SFXN1: variants seen among roughly 807,000 people sequenced by gnomAD.
SFXN1 encodes sideroflexin 1, also known as sideroflexin-1.
A neutral mutation model predicts 39.5 loss-of-function variants in SFXN1; 32 were observed. The observed-to-expected ratio is 0.81, with a 90% CI of 0.61 to 1.09. The LOEUF is 1.09. Among genes scored for constraint, SFXN1 ranks in the 50% least tolerant of loss-of-function variants. The probability of loss-of-function intolerance (pLI) is 0.00; values close to 1 mark genes in which losing one functional copy is unlikely to be tolerated. For missense variants in SFXN1, 402 were observed against 407.1 expected (o/e 0.99, Z 0.11); for synonymous variants, 136 against 146.5 (o/e 0.93, Z 0.52).
At chr5:175,522,610 C>T (rs1186053453) in intron 10 of SFXN1, 188 bp downstream of exon 10, 2 of 520,440 alleles carry the variant, frequency 3.8e-6, no homozygotes, top group East Asian at 3.1e-5. Flanking sequence ...TCAGATGCAC[C>T]CAGCTCTTTT....
chr5:175,515,176 C>A (rs198038), intron 7 of SFXN1, among the ~76,000 whole-genome samples: 3 of 152,002 alleles, frequency 2.0e-5, no homozygotes, highest in African/African-American at 4.8e-5. Context: ...GCCACCACAC[C>A]CAGCTGATTT....
At chr5:175,526,157 T>G (rs1407942874) in intron 10 of SFXN1, among the ~76,000 whole-genome samples, 1 of 152,042 alleles carries the variant, frequency 6.6e-6, no homozygotes, top group Non-Finnish European at 1.5e-5. Context: ...TTTAGTATTT[T>G]TTGAAATTTT....
chr5:175,502,910 A>G (rs1031536081), intron 2 of SFXN1, among the ~76,000 whole-genome samples: 10 of 152,194 alleles, frequency 6.6e-5, no homozygotes, highest in Non-Finnish European at 8.8e-5. Flanking sequence ...CAGATTAACC[A>G]ACTCATATAA....
At chr5:175,519,542 C>CA (rs1346948115) in intron 8 of SFXN1, among the ~76,000 whole-genome samples, 2 of 152,074 alleles carry the variant, frequency 1.3e-5, no homozygotes, top group African/African-American at 4.8e-5. Flanking sequence ...GAAGGCGTCT[C>CA]AAAGTAATTA....
At chr5:175,496,600 C>T (rs1180010224) in intron 2 of SFXN1, among the ~76,000 whole-genome samples, 1 of 152,096 alleles carries the variant, frequency 6.6e-6, no homozygotes, top group Non-Finnish European at 1.5e-5. Context: ...AATTTACTAA[C>T]ATAACAACAA....
rs1449319663 is a variant in SFXN1 at position 175,526,995 on chromosome 5, G to A, written c.*261G>A. 3 of 458,192 alleles carry A rather than the reference G, an allele frequency of 6.5e-6. No individual in the cohort carries two copies. The highest frequency in any genetic ancestry group is 6.7e-5 in the South Asian group (2 of 29,716). 28.4% of individuals were successfully genotyped at this position (458,192 alleles called of 1,614,324 possible). On this transcript the variant is annotated 3_prime_UTR_variant, in exon 11 of 11. Transcript: ENST00000321442. ...TTTATAGTCATTGTTTTTCAAAGAC[G>A]ATATACCAGCCCTCACCCAGGTTTT...
chr5:175,494,717 A>C (rs1471993942), intron 2 of SFXN1, among the ~76,000 whole-genome samples: 8 of 151,464 alleles, frequency 5.3e-5, no homozygotes, highest in Admixed American at 4.6e-4. Flanking sequence ...ATGCCACTGC[A>C]CTCCAGCCTG....
intron 2 of SFXN1, among the ~76,000 whole-genome samples, chr5:175,499,263 A>T (rs1051066138): frequency 1.3e-5 from 2 of 152,082 alleles, no homozygotes; most frequent in Non-Finnish European, 2.9e-5. Context: ...TCAAGAAAAA[A>T]AAAAAAGGGA....
chr5:175,520,815 C>T (rs544364498), intron 8 of SFXN1, among the ~76,000 whole-genome samples: 2 of 151,364 alleles, frequency 1.3e-5, no homozygotes, highest in South Asian at 4.4e-4. Context: ...TATGACAATC[C>T]TTCATCATCA....
At chr5:175,519,305 G>C (rs575167129) in intron 8 of SFXN1, among the ~76,000 whole-genome samples, 2 of 152,312 alleles carry the variant, frequency 1.3e-5, no homozygotes, top group Admixed American at 1.3e-4. Context: ...TTCTTACAAA[G>C]TTAAACAGAT....
intron 1 of SFXN1, among the ~76,000 whole-genome samples, chr5:175,489,231 A>G (rs1362786308): frequency 1.3e-5 from 2 of 152,198 alleles, no homozygotes; most frequent in East Asian, 1.9e-4. Context: ...TCATTCAGAA[A>G]TGGGAGGAAA....
At chr5:175,524,119 AAAAAAAATATAT>A (rs1291138229) in intron 10 of SFXN1, 14 of 38,590 alleles carry the variant, frequency 3.6e-4, no homozygotes, top group East Asian at 1.5e-3. Context: ...AAAAAAAAAA[AAAAAAAATATAT>A]ATATATATAT....
chr5:175,492,763 A>G (rs893727935), intron 2 of SFXN1, among the ~76,000 whole-genome samples: 4 of 152,194 alleles, frequency 2.6e-5, no homozygotes, highest in South Asian at 2.1e-4. Context: ...CAGATGTGGG[A>G]TGCACGCCAT....
intron 4 of SFXN1, chr5:175,510,419 C>A (rs1235983795): frequency 3.9e-6 from 2 of 515,304 alleles, no homozygotes; most frequent in Non-Finnish European, 6.9e-6. Flanking sequence ...TTCCAGCCTG[C>A]CTTCTCAGAC....
At chr5:175,514,115 G>A (rs1053141913) in intron 7 of SFXN1, among the ~76,000 whole-genome samples, 1 of 152,184 alleles carries the variant, frequency 6.6e-6, no homozygotes. Flanking sequence ...GTGACTCTGG[G>A]TGGTGGGTTG....
intron 1 of SFXN1, among the ~76,000 whole-genome samples, chr5:175,487,067 A>G (rs1184455707): frequency 6.6e-6 from 1 of 152,192 alleles, no homozygotes; most frequent in Non-Finnish European, 1.5e-5. Context: ...CAGATCACCT[A>G]GGCCCGAGGG....
At chr5:175,489,724 A>G (rs1329876448) in intron 1 of SFXN1, among the ~76,000 whole-genome samples, 1 of 152,180 alleles carries the variant, frequency 6.6e-6, no homozygotes, top group Non-Finnish European at 1.5e-5. Flanking sequence ...GCTTTTTAAA[A>G]AGACAAATAT....
intron 1 of SFXN1, among the ~76,000 whole-genome samples, chr5:175,485,530 C>G (rs2113261088): frequency 6.6e-6 from 1 of 152,302 alleles, no homozygotes; most frequent in East Asian, 1.9e-4. Context: ...TTGGGCCAAC[C>G]AAATATTCCA....
At chr5:175,503,064 G>C (rs1015291973) in intron 2 of SFXN1, among the ~76,000 whole-genome samples, 1 of 152,118 alleles carries the variant, frequency 6.6e-6, no homozygotes, top group African/African-American at 2.4e-5. Flanking sequence ...AGATCCATTG[G>C]TTGGCAGGAA....
Sources: gnomAD v4.1 joint callset for allele counts (sites outside exome capture counted in the v4.1 genomes callset) on GRCh38, gnomAD v4.1.1 for gene constraint, MANE v1.5 for transcripts, NCBI Gene and HGNC (gene_info 2026-07-23, HGNC 2026-07-21) for gene names.